Variants in ZNF469 observed in about 807,000 individuals in gnomAD.
The protein encoded by ZNF469 is zinc finger protein 469.
A neutral mutation model predicts 1.0 loss-of-function variants in ZNF469; 1 was observed. The observed-to-expected ratio is 1.00, with a 90% CI of 0.35 to 4.73. The LOEUF is 4.73. ZNF469 is among the 30% of genes most tolerant of loss of function. ZNF469 has a pLI of 0.16. For missense variants in ZNF469, 6,100 were observed against 5,356.3 expected (o/e 1.14, Z -4.33); for synonymous variants, 2,703 against 2,363.4 (o/e 1.14, Z -4.17).
chr16:88,280,610 C>T, the ZNF469 span, among the ~76,000 whole-genome samples: 2 of 151,208 alleles, frequency 1.3e-5, no homozygotes, highest in Admixed American at 6.6e-5. Flanking sequence ...TGTGCCACAC[C>T]AACGCTTGGT....
chr16:88,157,403 C>G, the ZNF469 span, among the ~76,000 whole-genome samples: 2 of 152,206 alleles, frequency 1.3e-5, no homozygotes, highest in African/African-American at 2.4e-5. Flanking sequence ...CCATTTGCAC[C>G]AGTTCCACCT....
chr16:88,207,675 G>A, the ZNF469 span, among the ~76,000 whole-genome samples: 8 of 150,864 alleles, frequency 5.3e-5, no homozygotes, highest in African/African-American at 1.9e-4. Flanking sequence ...ACCTGGGAGA[G>A]TCTCCCCGGC....
At chr16:88,167,717 G>A in the ZNF469 span, among the ~76,000 whole-genome samples, 1 of 152,194 alleles carries the variant, frequency 6.6e-6, no homozygotes, top group South Asian at 2.1e-4. Context: ...GGTCAAGGGG[G>A]CGCCCATCCC....
chr16:88,391,010 T>C (rs7500662), intron 1 of ZNF469, among the ~76,000 whole-genome samples: 103,347 of 152,170 alleles, frequency 0.68, 35,721 homozygotes, highest in African/African-American at 0.8. Context: ...CCCGCGTCAT[T>C]CTCTCCAAAT....
At chr16:88,332,280 G>A in the ZNF469 span, among the ~76,000 whole-genome samples, 810 of 152,328 alleles carry the variant, frequency 5.3e-3, 7 homozygotes, top group Middle Eastern at 0.048. Context: ...GTCGGGTTTC[G>A]GCACAGCGTC....
At chr16:88,198,920 G>T in the ZNF469 span, among the ~76,000 whole-genome samples, 1 of 152,246 alleles carries the variant, frequency 6.6e-6, no homozygotes, top group Admixed American at 6.5e-5. Context: ...CGAGGCGAGG[G>T]CCCCTGGCAA....
intron 1 of ZNF469, among the ~76,000 whole-genome samples, chr16:88,391,561 C>G (rs977675806): frequency 2.0e-5 from 3 of 152,240 alleles, no homozygotes. Context: ...TGAGTGGTCC[C>G]CACAGGCACA....
chr16:88,268,111 A>G, the ZNF469 span, among the ~76,000 whole-genome samples: 1 of 152,066 alleles, frequency 6.6e-6, no homozygotes, highest in Non-Finnish European at 1.5e-5. Context: ...TGCCATTGAC[A>G]TGTCGTCTTT....
chr16:88,352,496 C>G, the ZNF469 span, among the ~76,000 whole-genome samples: 2 of 152,226 alleles, frequency 1.3e-5, no homozygotes, highest in Non-Finnish European at 1.5e-5. Context: ...GAAGGGCACA[C>G]TGGGCACCAT....
chr16:88,330,859 T>C, the ZNF469 span, among the ~76,000 whole-genome samples: 1 of 152,162 alleles, frequency 6.6e-6, no homozygotes, highest in African/African-American at 2.4e-5. Flanking sequence ...GGAGACACAT[T>C]CCCTGTGCAG....
chr16:88,248,844 C>A, the ZNF469 span, among the ~76,000 whole-genome samples: 1 of 152,140 alleles, frequency 6.6e-6, no homozygotes, highest in Non-Finnish European at 1.5e-5. Context: ...GAGGCAGGTG[C>A]CCTTTCTCCA....
chr16:88,394,518 C>T (rs373225889), intron 1 of ZNF469, among the ~76,000 whole-genome samples: 3 of 152,324 alleles, frequency 2.0e-5, no homozygotes, highest in East Asian at 3.9e-4. Flanking sequence ...AGGTGCTTCC[C>T]GGTCGTATCA....
chr16:88,343,024 G>A, the ZNF469 span, among the ~76,000 whole-genome samples: 3 of 152,188 alleles, frequency 2.0e-5, no homozygotes, highest in Non-Finnish European at 4.4e-5. Context: ...CACAGGCAAA[G>A]CAGCGGGCAG....
intron 2 of ZNF469, among the ~76,000 whole-genome samples, chr16:88,426,042 C>T (rs1203632602): frequency 1.1e-4 from 17 of 152,228 alleles, no homozygotes; most frequent in African/African-American, 3.6e-4. Flanking sequence ...CCAGCCTCTG[C>T]GTTAGGAGTC....
the ZNF469 span, among the ~76,000 whole-genome samples, chr16:88,311,669 G>C: frequency 1.3e-5 from 2 of 152,192 alleles, no homozygotes; most frequent in Admixed American, 1.3e-4. Flanking sequence ...TCCCTGCAGC[G>C]TTGCAGAGAC....
At chr16:88,220,464 C>T in the ZNF469 span, among the ~76,000 whole-genome samples, 1 of 152,168 alleles carries the variant, frequency 6.6e-6, no homozygotes, top group East Asian at 1.9e-4. Context: ...ATGAAGTGTG[C>T]TGCAAGCAGA....
At chr16:88,399,469 T>C (rs1428379014) in intron 1 of ZNF469, among the ~76,000 whole-genome samples, 2 of 152,024 alleles carry the variant, frequency 1.3e-5, no homozygotes, top group Non-Finnish European at 2.9e-5. Flanking sequence ...CACAAGCAGA[T>C]GCCCGTGGGC....
Position 88,437,037 on chromosome 16 carries a change from G to A in ZNF469, c.9567G>A (p.Met3189Ile). 6.5e-7 allele frequency: 1 copy of A among 1,533,334 alleles called. No homozygotes were observed. The highest frequency in any genetic ancestry group is 1.2e-5 in the South Asian group (1 of 83,630). The allele number at this position is 1,533,334 out of a possible 1,614,324, so 95.0% of individuals were successfully genotyped here. The change falls in exon 3 of 3, where the codon ATG (methionine) becomes ATA (isoleucine). Residue 3189 changes from methionine to isoleucine, a missense_variant. Met to Ile is a conservative substitution (Grantham distance 10, BLOSUM62 1). Transcript: ENST00000565624. Reference protein sequence around the residue: ...MCLKEVADVWMYNEHLREHAV... With the variant: ...MCLKEVADVWIYNEHLREHAV... ...TGAAGGAGGTGGCCGACGTCTGGAT[G>A]TACAACGAGCACCTGCGTGAGCACG...
chr16:88,255,263 G>T, the ZNF469 span, among the ~76,000 whole-genome samples: 1 of 152,298 alleles, frequency 6.6e-6, no homozygotes, highest in African/African-American at 2.4e-5. Flanking sequence ...AAGCATCAGT[G>T]ATATGCCCAA....
Sources: allele counts gnomAD v4.1 joint callset (sites outside exome capture counted in the v4.1 genomes callset), GRCh38; gene constraint gnomAD v4.1.1; transcripts MANE v1.5; gene names NCBI Gene and HGNC (gene_info 2026-07-23, HGNC 2026-07-21).